The following CTNNA2 variants were observed in gnomAD, a reference collection of about 807,000 sequenced individuals.
The protein encoded by CTNNA2 is catenin alpha 2, also known as catenin alpha-2.
A neutral mutation model predicts 101.0 loss-of-function variants in CTNNA2; 42 were observed. The ratio of observed to expected loss-of-function variants is 0.42; its 90% CI spans 0.32 to 0.54. CTNNA2 has a LOEUF of 0.54. Among genes scored for constraint, CTNNA2 ranks in the 20% least tolerant of loss-of-function variants. CTNNA2 has a pLI of 0.14. For missense variants in CTNNA2, 871 were observed against 1,223.1 expected (o/e 0.71, Z 4.29); for synonymous variants, 450 against 456.4 (o/e 0.99, Z 0.18).
At chr2:79,307,453 C>T (rs1469505875) in intron 2 of CTNNA2, among the ~76,000 whole-genome samples, 1 of 152,162 alleles carries the variant, frequency 6.6e-6, no homozygotes, top group East Asian at 1.9e-4. Flanking sequence ...TTAGCTTCCA[C>T]ATATGAGTGA....
intron 7 of CTNNA2, among the ~76,000 whole-genome samples, chr2:80,050,606 C>T (rs1310678243): frequency 3.9e-5 from 6 of 152,184 alleles, no homozygotes; most frequent in African/African-American, 9.7e-5. Flanking sequence ...CAGACCCCTG[C>T]GGGGAGAGGC....
intron 2 of CTNNA2, among the ~76,000 whole-genome samples, chr2:79,308,200 A>G (rs905934682): frequency 1.4e-4 from 22 of 151,998 alleles, no homozygotes; most frequent in African/African-American, 5.1e-4. Flanking sequence ...GCCCATCACC[A>G]TGCCTGGCTA....
chr2:80,002,319 C>T (rs1349294223), intron 7 of CTNNA2, among the ~76,000 whole-genome samples: 1 of 152,080 alleles, frequency 6.6e-6, no homozygotes, highest in Admixed American at 6.6e-5. Flanking sequence ...AAATTGAGAC[C>T]ACCATGAAAG....
chr2:79,734,022 G>A (rs1045960672), intron 2 of CTNNA2, among the ~76,000 whole-genome samples: 1 of 152,104 alleles, frequency 6.6e-6, no homozygotes, highest in East Asian at 1.9e-4. Flanking sequence ...GCTTTACTTT[G>A]TTTCATTTTG....
chr2:80,184,490 T>C (rs921775048), intron 7 of CTNNA2, among the ~76,000 whole-genome samples: 2 of 152,152 alleles, frequency 1.3e-5, no homozygotes, highest in Non-Finnish European at 2.9e-5. Flanking sequence ...AATTGAAGCA[T>C]GTTTGAATCA....
intron 9 of CTNNA2, among the ~76,000 whole-genome samples, chr2:80,438,492 T>A (rs1682252516): frequency 6.6e-6 from 1 of 152,162 alleles, no homozygotes; most frequent in Non-Finnish European, 1.5e-5. Context: ...TTTGAAGGCT[T>A]TACATTTAAT....
At chr2:79,506,704 A>G (rs1671420602) in intron 5 of CTNNA2, among the ~76,000 whole-genome samples, 1 of 152,228 alleles carries the variant, frequency 6.6e-6, no homozygotes. Flanking sequence ...TACATCATCA[A>G]AACATATTTG....
chr2:80,141,440 G>A (rs573613367), intron 7 of CTNNA2, among the ~76,000 whole-genome samples: 6 of 152,144 alleles, frequency 3.9e-5, no homozygotes, highest in African/African-American at 1.4e-4. Flanking sequence ...AAAACTTGGG[G>A]CATATTGTGA....
intron 7 of CTNNA2, among the ~76,000 whole-genome samples, chr2:80,214,944 C>T (rs1573413492): frequency 6.6e-6 from 1 of 152,042 alleles, no homozygotes; most frequent in Non-Finnish European, 1.5e-5. Context: ...TTTCTTGGAG[C>T]CTTTGTTCGT....
At chr2:80,468,507 C>A (rs962838413) in intron 9 of CTNNA2, among the ~76,000 whole-genome samples, 1 of 152,138 alleles carries the variant, frequency 6.6e-6, no homozygotes, top group Non-Finnish European at 1.5e-5. Flanking sequence ...CAACCTCCAC[C>A]TCCCGGTTCA....
chr2:80,211,228 C>T (rs1405244666), intron 7 of CTNNA2, among the ~76,000 whole-genome samples: 1 of 152,002 alleles, frequency 6.6e-6, no homozygotes, highest in Non-Finnish European at 1.5e-5. Flanking sequence ...TAAATATATC[C>T]CATTTGTCTA....
At chr2:80,629,332 A>G (rs1352579838) in intron 18 of CTNNA2, among the ~76,000 whole-genome samples, 4 of 152,132 alleles carry the variant, frequency 2.6e-5, no homozygotes, top group Non-Finnish European at 4.4e-5. Context: ...ATAGTTGAAA[A>G]TACAGAAAGG....
rs1341021331 is a variant in CTNNA2 at position 79,469,585 on chromosome 2, C to A, written c.-134-35469C>A. ...AGCAGAGACACAACAAAAAAAGAGA[C>A]TTTTAGACCAATATCCCTGATGAAC... On this transcript the variant is annotated intron_variant, in intron 4 of 21. Coordinates refer to the CTNNA2 transcript ENST00000466387. Among the ~76,000 whole-genome samples, 5 of 152,134 alleles carry A rather than the reference C, an allele frequency of 3.3e-5. No homozygotes were observed. In the South Asian group the frequency reaches 6.2e-4, roughly 19 times the overall value.
chr2:80,196,961 T>C (rs1159613413), intron 7 of CTNNA2, among the ~76,000 whole-genome samples: 1 of 152,204 alleles, frequency 6.6e-6, no homozygotes, highest in African/African-American at 2.4e-5. Flanking sequence ...CTGACTGCTT[T>C]TAATCTTCAA....
intron 7 of CTNNA2, among the ~76,000 whole-genome samples, chr2:80,226,884 C>T (rs1708918246): frequency 6.6e-6 from 1 of 152,124 alleles, no homozygotes; most frequent in Non-Finnish European, 1.5e-5. Context: ...ATTTGTTCTG[C>T]CCTGCCCCGA....
chr2:79,596,396 A>T (rs2104027998), intron 1 of CTNNA2, among the ~76,000 whole-genome samples: 1 of 152,172 alleles, frequency 6.6e-6, no homozygotes, highest in East Asian at 1.9e-4. Flanking sequence ...AATATATATA[A>T]GTTCCCCACG....
chr2:80,400,043 T>G (rs1418526535), intron 8 of CTNNA2, among the ~76,000 whole-genome samples: 1 of 152,194 alleles, frequency 6.6e-6, no homozygotes, highest in Admixed American at 6.5e-5. Flanking sequence ...CGAGATAATT[T>G]TAGAGTGTGT....
intron 2 of CTNNA2, among the ~76,000 whole-genome samples, chr2:79,699,832 C>CTGT: frequency 7.3e-6 from 1 of 137,462 alleles, no homozygotes; most frequent in Admixed American, 7.4e-5. Context: ...CACACACACA[C>CTGT]GTGTGTGTAT....
intron 7 of CTNNA2, among the ~76,000 whole-genome samples, chr2:80,094,734 T>C (rs561085608): frequency 1.6e-3 from 240 of 152,278 alleles, no homozygotes; most frequent in African/African-American, 5.6e-3. Context: ...CCCTTGTAAG[T>C]TGGATTCCTA....
Sources: allele counts gnomAD v4.1 joint callset (sites outside exome capture counted in the v4.1 genomes callset), GRCh38; gene constraint gnomAD v4.1.1; transcripts MANE v1.5; gene names NCBI Gene and HGNC (gene_info 2026-07-23, HGNC 2026-07-21).